The following MROH7 variants were observed in gnomAD, a reference collection of about 807,000 sequenced individuals.
MROH7 encodes the protein maestro heat like repeat family member 7.
MROH7 carries 113 observed loss-of-function variants against 129.2 expected under a neutral mutation model. The ratio of observed to expected loss-of-function variants is 0.87; its 90% CI spans 0.75 to 1.02. The LOEUF (loss-of-function observed/expected upper bound fraction) is 1.02, where lower values mean the gene tolerates loss of function less well. MROH7 is among the 50% of genes least tolerant of loss of function. MROH7 has a pLI of 0.00. For missense variants in MROH7, 1,601 were observed against 1,671.3 expected, an observed-to-expected ratio of 0.96 and a Z score of 0.73; for synonymous variants, 655 against 667.9, an observed-to-expected ratio of 0.98 and a Z score of 0.30.
chr1:54,691,846 AC>A (rs1645244666), intron 15 of MROH7, among the ~76,000 whole-genome samples: 1 of 137,934 alleles, frequency 7.2e-6, no homozygotes, highest in Non-Finnish European at 1.5e-5. Flanking sequence ...GTATCTAGAA[AC>A]CTCTGTCTGA....
intron 13 of MROH7, among the ~76,000 whole-genome samples, chr1:54,681,197 G>A (rs1456779160): frequency 6.6e-6 from 1 of 152,186 alleles, no homozygotes; most frequent in Non-Finnish European, 1.5e-5. Flanking sequence ...TTGGCACCCT[G>A]GATGCCTCAC....
chr1:54,659,496 C>T (rs1198975170), intron 3 of MROH7, among the ~76,000 whole-genome samples: 3 of 151,388 alleles, frequency 2.0e-5, no homozygotes, highest in African/African-American at 7.3e-5. Flanking sequence ...CTCTTGTTGC[C>T]CAGGCTGGAG....
chr1:54,701,441 CTG>C, intron 19 of MROH7, 119 bp downstream of exon 19: 1 of 816,238 alleles, frequency 1.2e-6, no homozygotes, highest in Non-Finnish European at 1.8e-6. Context: ...GGTCAGCCTA[CTG>C]GGAGAGGAAC....
At chr1:54,644,066 A>G (rs529092610) in intron 1 of MROH7, among the ~76,000 whole-genome samples, 9 of 152,194 alleles carry the variant, frequency 5.9e-5, no homozygotes, top group Middle Eastern at 3.4e-3. Flanking sequence ...TTGAAGTTTC[A>G]GCAGTTTTCT....
chr1:54,658,775 T>G (rs1240989453), intron 3 of MROH7, among the ~76,000 whole-genome samples: 6 of 151,946 alleles, frequency 3.9e-5, no homozygotes, highest in Admixed American at 6.6e-5. Flanking sequence ...AATTCTTTGG[T>G]GTGTGTGTGT....
intron 1 of MROH7, among the ~76,000 whole-genome samples, chr1:54,644,754 C>G (rs979852871): frequency 2.0e-5 from 3 of 150,830 alleles, no homozygotes. Flanking sequence ...CTCGGCCTCC[C>G]AAAGTGCTGG....
chr1:54,691,803 AG>A (rs1172326981), intron 15 of MROH7, among the ~76,000 whole-genome samples: 17 of 104,188 alleles, frequency 1.6e-4, no homozygotes, highest in Admixed American at 1.3e-3. Context: ...AAAAAAAAAA[AG>A]TGTGTGTGTG....
chr1:54,703,720 C>T lies in MROH7; in HGVS notation c.3564+975C>T, dbSNP rs1045686248. 1.3e-5 allele frequency among the ~76,000 whole-genome samples: 2 copies of T among 152,034 alleles called. No homozygotes were observed. Among genetic ancestry groups the T allele is most frequent in the African/African-American group, 2.4e-5 (1 of 41,376 alleles). ...CATATGTCATTTGGGAGGATTTGCC[C>T]GCGGTCTCAATCTACCTTCCCTGTT... On this transcript the variant is annotated intron_variant, in intron 21 of 23. Coordinates refer to ENST00000421030, the MANE Select transcript of MROH7 (RefSeq NM_001039464.4). This position sits in a 1 kb window ranked among gnomAD's most constrained non-coding sequence, Gnocchi z 4.4.
rs1288442457 is a variant in MROH7, at chr1:54,686,325, C to T, written c.2588C>T (p.Pro863Leu). 4 of 1,614,084 alleles carry T rather than the reference C, an allele frequency of 2.5e-6. No homozygotes were observed. Among genetic ancestry groups the T allele is most frequent in the African/African-American group, 2.7e-5 (2 of 74,948 alleles). ...SCMGRVRRIY[P>L]QLLLALLIQV... ...ATGGGCCGTGTGAGGCGCATCTACC[C>T]TCAGCTGCTCCTGGCCCTGCTCATT... The change falls in exon 15 of 24, where the codon CCT (proline) becomes CTT (leucine). Residue 863 changes from proline to leucine, a missense_variant. Transcript: ENST00000421030.
chr1:54,644,677 A>G (rs1260931930), intron 1 of MROH7, among the ~76,000 whole-genome samples: 1 of 151,350 alleles, frequency 6.6e-6, no homozygotes, highest in Non-Finnish European at 1.5e-5. Flanking sequence ...ATGTAAAAAA[A>G]AAAAAATAGA....
Position 54,674,037 on chromosome 1 carries a change from C to G in MROH7, c.1822C>G (p.Leu608Val). Residue 608 changes from leucine (L) to valine (V), a missense_variant, in exon 10 of 24, where the codon CTG (leucine) becomes GTG (valine). Physicochemically the swap from Leu to Val is conservative, Grantham distance 32. Coordinates refer to ENST00000421030, the MANE Select transcript of MROH7 (RefSeq NM_001039464.4). ...PFFMPLGFPA[L>V]GLLLGRLILH... ...ACAGATGCCCTTGGGGTTCCCGGCG[C>G]TGGGGCTTCTGCTGGGGAGACTCAT... 2 of 1,614,162 alleles carry G rather than the reference C, an allele frequency of 1.2e-6. No homozygotes were observed. Among genetic ancestry groups the G allele is most frequent in the South Asian group, 2.2e-5 (2 of 91,086 alleles).
At chr1:54,656,919 AC>A (rs1233013799) in intron 3 of MROH7, among the ~76,000 whole-genome samples, 1 of 152,020 alleles carries the variant, frequency 6.6e-6, no homozygotes, top group Admixed American at 6.6e-5. Context: ...CAGCACAATG[AC>A]TCATGCCTGT....
chr1:54,701,959 G>A, intron 19 of MROH7, 131 bp from the exon 20 acceptor site: 2 of 727,900 alleles, frequency 2.7e-6, no homozygotes, highest in Non-Finnish European at 4.1e-6. Context: ...TTAGGTTAGT[G>A]GGGGTCTGGC....
At chr1:54,698,594 A>C (rs1257873397) in intron 17 of MROH7, 3 of 152,508 alleles carry the variant, frequency 2.0e-5, no homozygotes, top group Non-Finnish European at 4.4e-5. Context: ...AAGGGCATGG[A>C]GGGGAGAAGC....
At position 54,701,342 on chromosome 1, in the gene MROH7, A is replaced by G; in HGVS notation, c.3285+20A>G. On this transcript the variant is annotated intron_variant, in intron 19 of 23. Transcript: ENST00000421030. ...AGCGACGTGAGGACCTCACAGAGCG[A>G]AGGAGCAGGAGGGATCGAGAAGGGG... is the stretch of plus-strand genomic sequence containing the variant. The G allele has an allele frequency of 6.4e-7, 1 of 1,567,186 alleles. No homozygotes were observed. Among genetic ancestry groups the G allele is most frequent in the South Asian group, 1.2e-5 (1 of 82,948 alleles).
At chr1:54,661,127 G>A (rs1644726406) in intron 3 of MROH7, among the ~76,000 whole-genome samples, 1 of 151,734 alleles carries the variant, frequency 6.6e-6, no homozygotes, top group Non-Finnish European at 1.5e-5. Flanking sequence ...ATTCAGATAT[G>A]AGTTCTTTGT....
chr1:54,706,318 G>C, intron 21 of MROH7, 117 bp from the exon 22 acceptor site: 1 of 729,986 alleles, frequency 1.4e-6, no homozygotes, highest in Non-Finnish European at 2.4e-6. Context: ...CATGCAGAGG[G>C]AGCAGATATA....
rs116223327 is a variant in MROH7 at position 54,666,486 on chromosome 1, G to T, written c.1305+1246G>T. Among the ~76,000 whole-genome samples the T allele has an allele frequency of 5.7e-3, 788 of 137,892 alleles. 4 individuals carry two copies. The highest frequency in any genetic ancestry group is 0.02 in the African/African-American group (755 of 37,630). The allele number at this position is 137,892 out of a possible 152,430, so 90.5% of individuals were successfully genotyped here. A position where few individuals can be genotyped will look rare whatever the true frequency, so the allele number is the denominator to read the frequency against. On this transcript the variant is annotated intron_variant, in intron 4 of 23. Coordinates refer to ENST00000421030, the MANE Select transcript of MROH7 (RefSeq NM_001039464.4). ...GTCTCGCTCTGTCACTCGGGCTGGA[G>T]TGCGGTGGTGCAATCTTGGCTTGCT...
intron 3 of MROH7, among the ~76,000 whole-genome samples, chr1:54,662,484 C>T (rs1394050327): frequency 2.0e-5 from 3 of 151,492 alleles, no homozygotes; most frequent in African/African-American, 4.9e-5. Context: ...TGAAGTGAGC[C>T]GAGATTGGCG....
Sources: allele counts gnomAD v4.1 joint callset (sites outside exome capture counted in the v4.1 genomes callset), GRCh38; gene constraint gnomAD v4.1.1; non-coding constraint Gnocchi (gnomAD v3.1); transcripts MANE v1.5; gene names NCBI Gene and HGNC (gene_info 2026-07-23, HGNC 2026-07-21).